The following EML1 variants were observed in gnomAD, a reference collection of about 807,000 sequenced individuals.
EML1 encodes the protein EMAP like 1, also known as echinoderm microtubule-associated protein-like 1.
Under a neutral mutation model 110.4 loss-of-function variants are expected in EML1, and 27 were observed. The ratio of observed to expected loss-of-function variants is 0.24; its 90% confidence interval spans 0.18 to 0.34. EML1 has a LOEUF of 0.34. EML1 is among the 10% of genes least tolerant of loss of function. The pLI is 1.00. For missense variants in EML1, 741 were observed against 1,030.9 expected, an observed-to-expected ratio of 0.72 and a Z score of 3.85; for synonymous variants, 344 against 385.8, an observed-to-expected ratio of 0.89 and a Z score of 1.27.
intron 20 of EML1, among the ~76,000 whole-genome samples, chr14:99,938,695 T>A (rs1471250574): frequency 6.6e-6 from 1 of 152,178 alleles, no homozygotes. Flanking sequence ...TGGGCACAGC[T>A]GCCAGGCTGC....
chr14:99,753,300 C>A (rs1452317508), intron 1 of EML1, among the ~76,000 whole-genome samples: 1 of 151,002 alleles, frequency 6.6e-6, no homozygotes, highest in Non-Finnish European at 1.5e-5. Flanking sequence ...TAACAAGACA[C>A]TTCAGGGGGA....
At chr14:99,851,603 G>A (rs150488399) in intron 2 of EML1, among the ~76,000 whole-genome samples, 226 of 152,256 alleles carry the variant, frequency 1.5e-3, no homozygotes, top group South Asian at 5.0e-3. Context: ...CACTGCGCCC[G>A]GCCGAGAACA....
At chr14:99,745,630 C>T (rs1356594014) in intron 1 of EML1, among the ~76,000 whole-genome samples, 1 of 152,178 alleles carries the variant, frequency 6.6e-6, no homozygotes, top group Non-Finnish European at 1.5e-5. Context: ...TGCTGAGCTC[C>T]GTTTGGGGGG....
chr14:99,792,497 T>C (rs2057686985), upstream of EML1, among the ~76,000 whole-genome samples: 1 of 152,222 alleles, frequency 6.6e-6, no homozygotes, highest in Admixed American at 6.5e-5. Flanking sequence ...CATTTATACG[T>C]GTATGGCCTG....
intron 17 of EML1, among the ~76,000 whole-genome samples, chr14:99,925,103 G>A (rs2060210186): frequency 1.3e-5 from 2 of 152,150 alleles, no homozygotes; most frequent in Non-Finnish European, 2.9e-5. Flanking sequence ...AAATTAGGAA[G>A]TGTTCTCTCC....
intron 1 of EML1, among the ~76,000 whole-genome samples, chr14:99,825,864 T>A (rs1454238246): frequency 6.6e-6 from 1 of 152,162 alleles, no homozygotes; most frequent in Non-Finnish European, 1.5e-5. Context: ...GGTTTTTTCA[T>A]GTAAACGAAC....
At chr14:99,904,222 A>G (rs2140029056) in intron 9 of EML1, among the ~76,000 whole-genome samples, 1 of 152,362 alleles carries the variant, frequency 6.6e-6, no homozygotes, top group Admixed American at 6.5e-5. Flanking sequence ...TTTAATTTAC[A>G]GAAAAACTGA....
intron 4 of EML1, 147 bp downstream of exon 4, chr14:99,878,766 T>A (rs2059337102): frequency 8.2e-7 from 1 of 1,224,298 alleles, no homozygotes; most frequent in Admixed American, 3.0e-5. Flanking sequence ...TTTATAGGAC[T>A]AATCAAACAG....
chr14:99,849,130 C>A lies in EML1; in HGVS notation c.68-1723C>A, dbSNP rs566052461. On this transcript the variant is annotated intron_variant, in intron 1 of 21. Transcript: ENST00000262233. ...ATTTTTCTTTAGCCTGAAGAACTTT[C>A]ATTAGCATTTCTTGCAGTGCAGGTC... 5.9e-5 allele frequency among the ~76,000 whole-genome samples: 9 copies of A among 152,234 alleles called. No homozygotes were observed. In the East Asian group the frequency reaches 1.7e-3, roughly 29 times the overall value.
chr14:99,938,759 G>A (rs2060520993), intron 20 of EML1, among the ~76,000 whole-genome samples: 1 of 152,212 alleles, frequency 6.6e-6, no homozygotes, highest in Non-Finnish European at 1.5e-5. Flanking sequence ...CGCACACCCA[G>A]GGTTAAAAGG....
chr14:99,838,918 C>CGCGCGTGTGTGTGG (rs3071409), intron 1 of EML1: 1 of 33,644 alleles, frequency 3.0e-5, no homozygotes. Flanking sequence ...CGCGCGCGCG[C>CGCGCGTGTGTGTGG]GTGTGTGTGT....
intron 17 of EML1, among the ~76,000 whole-genome samples, chr14:99,926,372 C>T (rs1048981785): frequency 6.7e-6 from 1 of 149,204 alleles, no homozygotes; most frequent in Non-Finnish European, 1.5e-5. Context: ...GTAACCTCTG[C>T]CTCCCAGATT....
intron 4 of EML1, chr14:99,886,014 T>C (rs2059468009): frequency 2.7e-6 from 1 of 376,338 alleles, no homozygotes; most frequent in Non-Finnish European, 5.2e-6. Context: ...CAGTCGCTTT[T>C]GTCCCAAATA....
rs2060474145 is a variant in EML1, at chr14:99,936,502, T to C, written c.2095+168T>C. Among the ~76,000 whole-genome samples, 1 of 152,088 alleles carries C rather than the reference T, an allele frequency of 6.6e-6. No homozygotes were observed. Among genetic ancestry groups the C allele is most frequent in the Non-Finnish European group, 1.5e-5 (1 of 68,008 alleles). On this transcript the variant is annotated intron_variant, in intron 19 of 21. Transcript: ENST00000262233. The surrounding 1 kb of genome is among the most constrained non-coding windows in gnomAD (Gnocchi z 5.5). ...CGTAGGGGAGTGGGGCTGCGTGGCT[T>C]CTTGGGTCCTTCCCGGTTTCCTGCT...
At chr14:99,800,188 A>G (rs1485461141) in intron 1 of EML1, among the ~76,000 whole-genome samples, 1 of 152,190 alleles carries the variant, frequency 6.6e-6, no homozygotes, top group Non-Finnish European at 1.5e-5. Flanking sequence ...TTTGGCACAT[A>G]GATTTCATTT....
At chr14:99,793,238 TC>T (rs2057700899), upstream of EML1, 1 of 708,138 alleles carries the variant, frequency 1.4e-6, no homozygotes. Flanking sequence ...CACGTCCCCC[TC>T]CCGGCCCGGG....
At chr14:99,914,112 T>C in intron 13 of EML1, 67 bp from the exon 14 acceptor site, 5 of 1,564,978 alleles carry the variant, frequency 3.2e-6, no homozygotes, top group Non-Finnish European at 4.4e-6. Flanking sequence ...ATAAGTGTTT[T>C]GAATGACTGA....
At position 99,825,709 on chromosome 14, in the gene EML1, T is replaced by C. The variant is rs1171614377; in HGVS notation, c.68-25144T>C. 2.0e-5 allele frequency among the ~76,000 whole-genome samples: 3 copies of C among 152,314 alleles called. No individual in the cohort carries two copies. The East Asian group carries it at 5.8e-4, about 29-fold the overall frequency. ...GCCACACTAAGCGCTTACTAGGAGT[T>C]TATTGCAAGTTTACTGAGTTCATAA... On this transcript the variant is annotated intron_variant, in intron 1 of 21. Coordinates refer to ENST00000262233, the MANE Select transcript of EML1 (RefSeq NM_004434.3).
rs552972741 is a variant in EML1, at chr14:99,756,939, G to A, written c.28+19079G>A. ...CATGGACTCACATCCACAAGGATGCGCGTGCTCCTGTGCCCACAATGACAC... is the reference window on the plus strand; with the variant it reads ...CATGGACTCACATCCACAAGGATGCACGTGCTCCTGTGCCCACAATGACAC... On this transcript the variant is annotated intron_variant, in intron 1 of 10. Coordinates refer to the EML1 transcript ENST00000554479. Among the ~76,000 whole-genome samples the A allele has an allele frequency of 1.2e-4, 19 of 152,304 alleles. No individual in the cohort carries two copies. In the East Asian group the frequency reaches 3.1e-3, roughly 25 times the overall value.
Sources: gnomAD v4.1 joint callset for allele counts (sites outside exome capture counted in the v4.1 genomes callset) on GRCh38, gnomAD v4.1.1 for gene constraint, Gnocchi (gnomAD v3.1) non-coding constraint, MANE v1.5 for transcripts, NCBI Gene and HGNC (gene_info 2026-07-23, HGNC 2026-07-21) for gene names.